RBFOX1: variants seen among roughly 807,000 people sequenced by gnomAD.
RBFOX1 encodes the protein RNA binding fox-1 homolog 1, also known as RNA binding protein fox-1 homolog 1.
A neutral mutation model predicts 57.7 loss-of-function variants in RBFOX1; 8 were observed. The observed-to-expected ratio is 0.14, with a 90% CI of 0.08 to 0.25. RBFOX1 has a LOEUF of 0.25. Ranked by LOEUF, RBFOX1 falls within the 10% of genes least tolerant of loss-of-function variation. RBFOX1 has a pLI of 1.00. For synonymous variants in RBFOX1, 326 were observed against 222.4 expected, an observed-to-expected ratio of 1.47 and a Z score of -4.15; for missense variants, 611 against 548.5, an observed-to-expected ratio of 1.11 and a Z score of -1.14.
chr16:6,743,805 T>A (rs1257914769), intron 3 of RBFOX1, among the ~76,000 whole-genome samples: 1 of 124,454 alleles, frequency 8.0e-6, no homozygotes, highest in Non-Finnish European at 1.8e-5. Flanking sequence ...TGTTCATTAT[T>A]TTTTCTCATG....
At chr16:7,135,457 C>G (rs1008553732) in intron 4 of RBFOX1, among the ~76,000 whole-genome samples, 3 of 152,208 alleles carry the variant, frequency 2.0e-5, no homozygotes, top group Non-Finnish European at 4.4e-5. Context: ...TGTTACCAAG[C>G]TACAGCAAAT....
intron 14 of RBFOX1, among the ~76,000 whole-genome samples, chr16:7,707,139 A>G (rs1013717677): frequency 6.6e-6 from 1 of 152,200 alleles, no homozygotes; most frequent in Non-Finnish European, 1.5e-5. Context: ...CTTGAAGCTG[A>G]AAGCCTCATC....
intron 3 of RBFOX1, among the ~76,000 whole-genome samples, chr16:6,904,540 G>A (rs2069288901): frequency 7.3e-6 from 1 of 137,790 alleles, no homozygotes; most frequent in Admixed American, 8.1e-5. Context: ...GGCAGATGTT[G>A]CAGTGAGCTG....
At chr16:7,150,835 A>C (rs532797464) in intron 4 of RBFOX1, among the ~76,000 whole-genome samples, 3 of 152,210 alleles carry the variant, frequency 2.0e-5, no homozygotes, top group Non-Finnish European at 4.4e-5. Flanking sequence ...GAAGTCGCTG[A>C]GAAAAGTTAG....
At chr16:6,004,251 C>G (rs2060654096) in intron 4 of RBFOX1, among the ~76,000 whole-genome samples, 1 of 152,182 alleles carries the variant, frequency 6.6e-6, no homozygotes, top group Non-Finnish European at 1.5e-5. Context: ...GCCTGACTAC[C>G]TGGCTTTGCC....
At chr16:7,319,825 A>C (rs751325423) in intron 4 of RBFOX1, among the ~76,000 whole-genome samples, 10 of 152,144 alleles carry the variant, frequency 6.6e-5, no homozygotes, top group Admixed American at 1.3e-4. Context: ...GAATGATGTA[A>C]GGCCTCTGAG....
chr16:6,936,043 G>A (rs897783565), intron 3 of RBFOX1, among the ~76,000 whole-genome samples: 16 of 152,256 alleles, frequency 1.1e-4, no homozygotes, highest in African/African-American at 1.7e-4. Context: ...TTCTCAATGC[G>A]CAAGAGTATT....
chr16:7,651,711 G>C (rs1273571901), intron 11 of RBFOX1, among the ~76,000 whole-genome samples: 1 of 152,200 alleles, frequency 6.6e-6, no homozygotes, highest in Non-Finnish European at 1.5e-5. Flanking sequence ...TGAGAGGTTT[G>C]CTCTTCTGCA....
chr16:6,293,550 A>C (rs1479763160), intron 1 of RBFOX1, among the ~76,000 whole-genome samples: 1 of 152,146 alleles, frequency 6.6e-6, no homozygotes, highest in Non-Finnish European at 1.5e-5. Flanking sequence ...GGAACTGATA[A>C]TCTAGGTTTG....
chr16:5,674,511 G>C (rs974237958), intron 3 of RBFOX1, among the ~76,000 whole-genome samples: 1 of 152,170 alleles, frequency 6.6e-6, no homozygotes, highest in Non-Finnish European at 1.5e-5. Flanking sequence ...ATATCAGAAA[G>C]TCTTGACAAA....
intron 2 of RBFOX1, among the ~76,000 whole-genome samples, chr16:5,593,398 G>A (rs766176760): frequency 3.3e-5 from 5 of 152,062 alleles, no homozygotes; most frequent in African/African-American, 1.2e-4. Context: ...GTAGATGATG[G>A]GTTGATGGGT....
At chr16:7,094,757 T>TGTGG (rs1277033722) in intron 4 of RBFOX1, among the ~76,000 whole-genome samples, 4 of 135,850 alleles carry the variant, frequency 2.9e-5, no homozygotes, top group Admixed American at 1.5e-4. Context: ...TGTGTGTGTG[T>TGTGG]GTGTGTGTGT....
chr16:7,107,015 A>G (rs1311766044), intron 4 of RBFOX1, among the ~76,000 whole-genome samples: 1 of 151,874 alleles, frequency 6.6e-6, no homozygotes, highest in Non-Finnish European at 1.5e-5. Context: ...ACACTAAATG[A>G]ACAAATGCAT....
intron 1 of RBFOX1, among the ~76,000 whole-genome samples, chr16:6,238,583 C>T (rs887656380): frequency 2.0e-5 from 3 of 152,148 alleles, no homozygotes; most frequent in Non-Finnish European, 4.4e-5. Flanking sequence ...TGATTCTCAA[C>T]CCTGGCTTCA....
At chr16:7,192,105 T>TA (rs1405502488) in intron 4 of RBFOX1, among the ~76,000 whole-genome samples, 1 of 151,600 alleles carries the variant, frequency 6.6e-6, no homozygotes, top group Admixed American at 6.6e-5. Flanking sequence ...GAAAGGGGGA[T>TA]AAAAAAAGAA....
intron 10 of RBFOX1, among the ~76,000 whole-genome samples, chr16:7,611,939 G>T (rs528792663): frequency 6.6e-6 from 1 of 152,200 alleles, no homozygotes; most frequent in South Asian, 2.1e-4. Context: ...CTTCTCCCAG[G>T]AGAGATGGGT....
rs557533613 is a variant in RBFOX1, at chr16:7,265,609, T to C, written c.27+213511T>C. 3.1e-3 allele frequency among the ~76,000 whole-genome samples: 472 copies of C among 152,092 alleles called. 2 individuals are homozygous for C. The highest frequency in any genetic ancestry group is 0.011 in the African/African-American group (448 of 41,498). Reference sequence around the variant, plus strand: ...GATTACAGGCACCCACCACCACGCCTGGCTAATTTTTGTATTTTTAGTAGA... The same window carrying C: ...GATTACAGGCACCCACCACCACGCCCGGCTAATTTTTGTATTTTTAGTAGA... On this transcript the variant is annotated intron_variant, in intron 4 of 15. Transcript: ENST00000550418.
chr16:7,531,842 G>C (rs2080159528), intron 5 of RBFOX1, among the ~76,000 whole-genome samples: 1 of 151,978 alleles, frequency 6.6e-6, no homozygotes, highest in African/African-American at 2.4e-5. Context: ...CAAGTCTGTA[G>C]AGCTCTCAAC....
chr16:7,702,719 A>C (rs531081761), intron 14 of RBFOX1, among the ~76,000 whole-genome samples: 1 of 152,172 alleles, frequency 6.6e-6, no homozygotes, highest in Non-Finnish European at 1.5e-5. Context: ...CATTTTGTCC[A>C]AACACAGAAC....
Sources: gnomAD v4.1 joint callset for allele counts (sites outside exome capture counted in the v4.1 genomes callset) on GRCh38, gnomAD v4.1.1 for gene constraint, MANE v1.5 for transcripts, NCBI Gene and HGNC (gene_info 2026-07-23, HGNC 2026-07-21) for gene names.